The following PAPSS2 variants were observed in gnomAD, a reference collection of about 807,000 sequenced individuals.
The protein encoded by PAPSS2 is 3'-phosphoadenosine 5'-phosphosulfate synthase 2.
A neutral mutation model predicts 66.5 loss-of-function variants in PAPSS2; 61 were observed. The observed-to-expected ratio is 0.92, with a 90% CI of 0.75 to 1.14. The LOEUF is 1.14. PAPSS2 is among the 50% of genes most tolerant of loss of function. The pLI, the probability that PAPSS2 is intolerant of heterozygous loss-of-function variation, is 0.00. For missense variants in PAPSS2, 708 were observed against 789.6 expected, an observed-to-expected ratio of 0.90 and a Z score of 1.24; for synonymous variants, 289 against 287.5, an observed-to-expected ratio of 1.01 and a Z score of -0.05.
At chr10:87,672,129 T>C (rs1280335551) in intron 1 of PAPSS2, among the ~76,000 whole-genome samples, 1 of 152,120 alleles carries the variant, frequency 6.6e-6, no homozygotes, top group Non-Finnish European at 1.5e-5. Flanking sequence ...CATAAAGAAA[T>C]GAGGTAAATT....
intron 1 of PAPSS2, among the ~76,000 whole-genome samples, chr10:87,688,121 G>A (rs940882577): frequency 3.3e-5 from 5 of 151,982 alleles, no homozygotes; most frequent in African/African-American, 1.2e-4. Flanking sequence ...AAAAATTATT[G>A]TAGGCCTTCT....
intron 1 of PAPSS2, among the ~76,000 whole-genome samples, chr10:87,663,421 T>G (rs561275073): frequency 6.6e-6 from 1 of 152,072 alleles, no homozygotes; most frequent in East Asian, 1.9e-4. Flanking sequence ...CAGAAGTAAT[T>G]ACTTTTAAAA....
rs550481182 is a variant in PAPSS2 at position 87,680,214 on chromosome 10, G to A, written c.27+20206G>A. On this transcript the variant is annotated intron_variant, in intron 1 of 12. Transcript: ENST00000456849. Reference sequence around the variant, plus strand: ...GTTGTCACTTTGGGCACTAAAGAGGGACTTACTCTCAGATTTGGGAACTAG... The same window carrying A: ...GTTGTCACTTTGGGCACTAAAGAGGAACTTACTCTCAGATTTGGGAACTAG... 5.1e-4 allele frequency among the ~76,000 whole-genome samples: 77 copies of A among 152,106 alleles called. 1 individual carries two copies. The highest frequency in any genetic ancestry group is 5.4e-4 in the Non-Finnish European group (37 of 68,028).
chr10:87,689,754 A>G (rs1026248485), intron 1 of PAPSS2, among the ~76,000 whole-genome samples: 5 of 148,440 alleles, frequency 3.4e-5, no homozygotes, highest in African/African-American at 1.2e-4. Context: ...AAAGACCAAT[A>G]ATGGAATAGA....
intron 1 of PAPSS2, among the ~76,000 whole-genome samples, chr10:87,664,928 G>A (rs1383500881): frequency 6.6e-6 from 1 of 152,176 alleles, no homozygotes; most frequent in Non-Finnish European, 1.5e-5. Context: ...CAGATTAGGT[G>A]TTCAATATTC....
At chr10:87,734,680 T>C (rs1325488362) in intron 9 of PAPSS2, among the ~76,000 whole-genome samples, 75 of 121,778 alleles carry the variant, frequency 6.2e-4, no homozygotes, top group South Asian at 1.6e-3. Flanking sequence ...TATATATATA[T>C]ATATATATAT....
intron 1 of PAPSS2, among the ~76,000 whole-genome samples, chr10:87,669,402 C>G (rs1433623682): frequency 6.6e-6 from 1 of 152,218 alleles, no homozygotes; most frequent in Non-Finnish European, 1.5e-5. Flanking sequence ...AAATTGCTGA[C>G]TCCCAATAGA....
intron 7 of PAPSS2, among the ~76,000 whole-genome samples, chr10:87,716,630 G>T (rs1853536035): frequency 6.6e-6 from 1 of 152,140 alleles, no homozygotes; most frequent in African/African-American, 2.4e-5. Flanking sequence ...AATCAAATAA[G>T]ATGCTCTTTT....
intron 1 of PAPSS2, among the ~76,000 whole-genome samples, chr10:87,668,764 T>G (rs1246478949): frequency 6.6e-6 from 1 of 152,212 alleles, no homozygotes; most frequent in African/African-American, 2.4e-5. Flanking sequence ...TATATGACAG[T>G]TGATATACAG....
At chr10:87,664,002 G>A (rs187482685) in intron 1 of PAPSS2, among the ~76,000 whole-genome samples, 3 of 152,276 alleles carry the variant, frequency 2.0e-5, no homozygotes, top group Admixed American at 2.0e-4. Context: ...GACCTCCTGG[G>A]CTCAAGTGAT....
At chr10:87,716,737 C>G (rs1853537166) in intron 7 of PAPSS2, among the ~76,000 whole-genome samples, 1 of 152,176 alleles carries the variant, frequency 6.6e-6, no homozygotes, top group South Asian at 2.1e-4. Flanking sequence ...CATGGGCCCT[C>G]TTCCCTTATT....
chr10:87,688,461 T>TTATTTATG (rs1281112976), intron 1 of PAPSS2, among the ~76,000 whole-genome samples: 1 of 149,766 alleles, frequency 6.7e-6, no homozygotes, highest in Non-Finnish European at 1.5e-5. Flanking sequence ...ATTTATTTAT[T>TTATTTATG]TATTTATTTA....
At chr10:87,726,169 C>T (rs868821575) in intron 8 of PAPSS2, among the ~76,000 whole-genome samples, 96 of 152,322 alleles carry the variant, frequency 6.3e-4, no homozygotes, top group Admixed American at 1.4e-3. Context: ...CGGTGGCTTA[C>T]GCCTCTTATC....
At chr10:87,736,270 T>C (rs1040503979) in intron 9 of PAPSS2, among the ~76,000 whole-genome samples, 29 of 142,436 alleles carry the variant, frequency 2.0e-4, no homozygotes, top group African/African-American at 6.4e-4. Context: ...TTTCTTTTTT[T>C]TTTTTTTTTT....
At chr10:87,663,085 T>C (rs1852772489) in intron 1 of PAPSS2, among the ~76,000 whole-genome samples, 1 of 149,222 alleles carries the variant, frequency 6.7e-6, no homozygotes, top group Non-Finnish European at 1.5e-5. Context: ...CAGTATAACA[T>C]TATTTTTCTA....
At chr10:87,740,572 A>G (rs1430831888) in intron 9 of PAPSS2, among the ~76,000 whole-genome samples, 2 of 152,246 alleles carry the variant, frequency 1.3e-5, no homozygotes, top group Admixed American at 1.3e-4. Flanking sequence ...TGAGAAGTGC[A>G]TTAATATGGC....
intron 10 of PAPSS2, among the ~76,000 whole-genome samples, chr10:87,742,792 C>T (rs996538268): frequency 3.3e-5 from 5 of 152,228 alleles, no homozygotes; most frequent in African/African-American, 1.2e-4. Flanking sequence ...CCTTGGTGTA[C>T]AGGAAAGGTC....
Position 87,713,123 on chromosome 10 carries a change from A to G in PAPSS2, c.194A>G (p.Tyr65Cys), listed in dbSNP as rs145923739. The change falls in exon 3 of 13, where the codon TAC becomes TGC. Residue 65 changes from tyrosine (Y) to cysteine (C), a missense_variant. Transcript: ENST00000456849. The stretch of plus-strand genomic sequence containing the variant: ...ACGATAAGTTTTGCCCTGGAGGAGT[A>G]CCTTGTCTCCCATGCCATCCCTTGT... ...KTTISFALEEYLVSHAIPCYS... is the reference protein window; with the variant it reads ...KTTISFALEECLVSHAIPCYS... The G allele has an allele frequency of 3.3e-4, 528 of 1,613,426 alleles. 2 individuals are homozygous for G. Among genetic ancestry groups the G allele is most frequent in the Non-Finnish European group, 3.9e-4 (460 of 1,179,782 alleles).
intron 8 of PAPSS2, among the ~76,000 whole-genome samples, chr10:87,725,884 TACACACACACAC>T (rs60791274): frequency 2.1e-5 from 3 of 140,352 alleles, no homozygotes; most frequent in African/African-American, 8.2e-5. Flanking sequence ...TATGTGTGTA[TACACACACACAC>T]ACACACACAC....
Sources: allele counts gnomAD v4.1 joint callset (sites outside exome capture counted in the v4.1 genomes callset), GRCh38; gene constraint gnomAD v4.1.1; transcripts MANE v1.5; gene names NCBI Gene and HGNC (gene_info 2026-07-23, HGNC 2026-07-21).